The following NLGN4Y variants were observed in gnomAD, a reference collection of about 807,000 sequenced individuals.
The protein encoded by NLGN4Y is neuroligin 4 Y-linked.
Under a neutral mutation model 8.4 loss-of-function variants are expected in NLGN4Y, and 4 were observed. The ratio of observed to expected loss-of-function variants is 0.48; its 90% confidence interval spans 0.23 to 1.09. The LOEUF (loss-of-function observed/expected upper bound fraction) is 1.09. NLGN4Y is among the 50% of genes least tolerant of loss of function. The pLI, the probability that NLGN4Y is intolerant of heterozygous loss-of-function variation, is 0.19. For synonymous variants in NLGN4Y, 35 were observed against 75.6 expected (o/e 0.46, Z 2.78); for missense variants, 90 against 192.3 (o/e 0.47, Z 3.15).
chrY:14,832,585 G>A (rs748219312), intron 6 of NLGN4Y, among the ~76,000 whole-genome samples: 1 of 34,005 alleles, frequency 2.9e-5, no homozygotes, highest in Non-Finnish European at 7.3e-5. Flanking sequence ...GGCCAAGGCC[G>A]GAGGACTGCC....
intron 4 of NLGN4Y, among the ~76,000 whole-genome samples, chrY:14,724,975 T>C (rs2080950915): frequency 3.0e-5 from 1 of 33,090 alleles, no homozygotes. Context: ...TCATTGGATT[T>C]AGGGTTTATC....
chrY:14,679,897 G>A, intron 2 of NLGN4Y, among the ~76,000 whole-genome samples: 1 of 33,228 alleles, frequency 3.0e-5, no homozygotes, highest in Non-Finnish European at 7.5e-5. Flanking sequence ...AGGTAAGAAT[G>A]TATTTTTCTT....
chrY:14,645,659 G>A, intron 2 of NLGN4Y, among the ~76,000 whole-genome samples: 2 of 33,298 alleles, frequency 6.0e-5, no homozygotes, highest in Admixed American at 2.8e-4. Flanking sequence ...AAATTAAAGC[G>A]TGGGCAAAAA....
At chrY:14,761,731 T>A (rs764294591) in intron 4 of NLGN4Y, among the ~76,000 whole-genome samples, 1 of 34,355 alleles carries the variant, frequency 2.9e-5, no homozygotes, top group Non-Finnish European at 7.3e-5. Flanking sequence ...TATTTGGGAC[T>A]TCATAATTCT....
chrY:14,770,436 CCCCAGCAGA>C (rs2081104247), intron 4 of NLGN4Y, among the ~76,000 whole-genome samples: 1 of 32,954 alleles, frequency 3.0e-5, no homozygotes, highest in South Asian at 6.8e-4. Context: ...CTCCAGCACG[CCCCAGCAGA>C]CCTGCAACAG....
intron 4 of NLGN4Y, chrY:14,748,605 T>C (rs2081029704): frequency 5.5e-6 from 1 of 181,530 alleles, no homozygotes; most frequent in Admixed American, 9.2e-5. Flanking sequence ...CTGTCATATT[T>C]CCATCTCATT....
chrY:14,635,128 T>A (rs2080560964), intron 2 of NLGN4Y, among the ~76,000 whole-genome samples: 2 of 33,536 alleles, frequency 6.0e-5, no homozygotes, highest in East Asian at 1.5e-3. Context: ...GAACACCCAC[T>A]ATTTGCCTAA....
At chrY:14,589,450 C>T in intron 1 of NLGN4Y, among the ~76,000 whole-genome samples, 2 of 30,955 alleles carry the variant, frequency 6.5e-5, no homozygotes, top group Non-Finnish European at 1.6e-4. Flanking sequence ...AGGTTCTCCA[C>T]GTCCTCACCA....
intron 4 of NLGN4Y, among the ~76,000 whole-genome samples, chrY:14,790,664 A>G: frequency 3.0e-5 from 1 of 33,641 alleles, no homozygotes; most frequent in Non-Finnish European, 7.4e-5. Flanking sequence ...TAGGTGGAAC[A>G]TCTTCTGGGA....
intron 4 of NLGN4Y, among the ~76,000 whole-genome samples, chrY:14,765,317 T>C: frequency 2.9e-5 from 1 of 34,067 alleles, no homozygotes; most frequent in African/African-American, 1.1e-4. Context: ...GAAACAGATA[T>C]ACACACTTAA....
chrY:14,702,342 G>A, intron 2 of NLGN4Y, among the ~76,000 whole-genome samples: 1 of 31,111 alleles, frequency 3.2e-5, no homozygotes, highest in African/African-American at 1.2e-4. Context: ...GCCCCAGTGT[G>A]TGATGTTCCC....
intron 4 of NLGN4Y, among the ~76,000 whole-genome samples, chrY:14,802,217 C>G: frequency 3.1e-5 from 1 of 32,482 alleles, no homozygotes. Context: ...TTGGAGATAC[C>G]TGGAGAGCTC....
intron 2 of NLGN4Y, among the ~76,000 whole-genome samples, chrY:14,656,624 A>C (rs370991748): frequency 0.079 from 2,367 of 29,910 alleles, no homozygotes; most frequent in Middle Eastern, 0.57. Context: ...ACAACAACAA[A>C]AAAAAAAAAA....
chrY:14,725,902 T>C, intron 4 of NLGN4Y, among the ~76,000 whole-genome samples: 1 of 33,321 alleles, frequency 3.0e-5, no homozygotes, highest in East Asian at 7.9e-4. Flanking sequence ...AGGTGAATAA[T>C]GATTATGTAA....
At chrY:14,544,778 C>CT (rs2080162466) in intron 1 of NLGN4Y, among the ~76,000 whole-genome samples, 118 of 25,404 alleles carry the variant, frequency 4.6e-3, no homozygotes, top group East Asian at 0.024. Flanking sequence ...GTGCAATTTT[C>CT]TTTTTTTTTT....
chrY:14,547,761 G>A, intron 1 of NLGN4Y, among the ~76,000 whole-genome samples: 1 of 33,724 alleles, frequency 3.0e-5, no homozygotes, highest in South Asian at 6.6e-4. Context: ...CATGATAGTA[G>A]AGGTTGGGAT....
chrY:14,573,205 G>A, intron 1 of NLGN4Y, among the ~76,000 whole-genome samples: 3 of 33,238 alleles, frequency 9.0e-5, no homozygotes, highest in African/African-American at 3.5e-4. Context: ...GGTAGAATTC[G>A]GCTGTGAATC....
At chrY:14,826,583 C>T (rs2043147757) in intron 5 of NLGN4Y, among the ~76,000 whole-genome samples, 1 of 32,578 alleles carries the variant, frequency 3.1e-5, no homozygotes, top group African/African-American at 1.2e-4. Flanking sequence ...CTGATGTGAT[C>T]CGCCTGCCTC....
chrY:14,749,207 T>C, intron 4 of NLGN4Y, among the ~76,000 whole-genome samples: 7 of 33,179 alleles, frequency 2.1e-4, no homozygotes, highest in Admixed American at 1.9e-3. Flanking sequence ...AATTTTTGCA[T>C]GCACCCACAT....
Sources: gnomAD v4.1 joint callset for allele counts (sites outside exome capture counted in the v4.1 genomes callset) on GRCh38, gnomAD v4.1.1 for gene constraint, MANE v1.5 for transcripts, NCBI Gene and HGNC (gene_info 2026-07-23, HGNC 2026-07-21) for gene names.